RUNX1: variants seen among roughly 807,000 people sequenced by gnomAD.
RUNX1 encodes RUNX family transcription factor 1, also known as runt-related transcription factor 1.
RUNX1 carries 19 observed loss-of-function variants against 42.8 expected under a neutral mutation model. The ratio of observed to expected loss-of-function variants is 0.44; its 90% confidence interval spans 0.31 to 0.65. The LOEUF is 0.65. Among genes scored for constraint, RUNX1 ranks in the 30% least tolerant of loss-of-function variants. The probability of loss-of-function intolerance (pLI) is 0.07; values close to 1 mark genes in which losing one functional copy is unlikely to be tolerated. For synonymous variants in RUNX1, 271 were observed against 289.4 expected (o/e 0.94, Z 0.64); for missense variants, 528 against 672.0 (o/e 0.79, Z 2.37).
chr21:34,975,579 C>A (rs1053118798), intron 2 of RUNX1, among the ~76,000 whole-genome samples: 11 of 152,108 alleles, frequency 7.2e-5, no homozygotes, highest in Admixed American at 3.9e-4. Flanking sequence ...GAAACCAATA[C>A]CCCCATGGAT....
intron 2 of RUNX1, among the ~76,000 whole-genome samples, chr21:35,014,999 A>G (rs2059149898): frequency 6.6e-6 from 1 of 152,250 alleles, no homozygotes; most frequent in Admixed American, 6.5e-5. Context: ...GAACTGAGGA[A>G]ACAAGGAAGG....
chr21:34,889,894 CACCCCG>C, intron 3 of RUNX1: 3 of 1,035,034 alleles, frequency 2.9e-6, no homozygotes, highest in Non-Finnish European at 3.5e-6. Flanking sequence ...GCCTCTCATC[CACCCCG>C]GGGCTGCAAC....
intron 2 of RUNX1, among the ~76,000 whole-genome samples, chr21:34,897,746 G>A (rs908152954): frequency 6.6e-6 from 1 of 152,082 alleles, no homozygotes; most frequent in Admixed American, 6.5e-5. Flanking sequence ...AGTTAGTAGC[G>A]TTGGAAGCAG....
Position 35,012,326 on chromosome 21 carries a change from A to G in RUNX1, c.58+36516T>C, listed in dbSNP as rs1445133051. On this transcript the variant is annotated intron_variant, in intron 2 of 8. Transcript: ENST00000675419. Reference sequence around the variant, plus strand: ...TGACCTCCTTTTCTAGGATTATGAGAGAAAAACAAGTAGAATATTAATAAA... The same window carrying G: ...TGACCTCCTTTTCTAGGATTATGAGGGAAAAACAAGTAGAATATTAATAAA... Among the ~76,000 whole-genome samples the G allele has an allele frequency of 2.6e-5, 4 of 152,252 alleles. No homozygotes were observed. The East Asian group carries it at 7.7e-4, about 29-fold the overall frequency.
intron 2 of RUNX1, among the ~76,000 whole-genome samples, chr21:34,903,314 A>G (rs2058192121): frequency 6.6e-6 from 1 of 152,206 alleles, no homozygotes; most frequent in South Asian, 2.1e-4. Flanking sequence ...ATAGTTTAAA[A>G]ATAATATGGA....
intron 2 of RUNX1, among the ~76,000 whole-genome samples, chr21:34,956,157 TA>T (rs1208384423): frequency 6.6e-6 from 1 of 152,154 alleles, no homozygotes; most frequent in Non-Finnish European, 1.5e-5. Flanking sequence ...CCTTAAACCC[TA>T]AAATGAGCTG....
chr21:34,970,659 A>G (rs1175519735), intron 2 of RUNX1, among the ~76,000 whole-genome samples: 3 of 152,160 alleles, frequency 2.0e-5, no homozygotes, highest in Non-Finnish European at 4.4e-5. Context: ...TAATGTGTGC[A>G]TATTATTCTT....
At chr21:35,005,520 A>G (rs2059077783) in intron 2 of RUNX1, among the ~76,000 whole-genome samples, 1 of 152,158 alleles carries the variant, frequency 6.6e-6, no homozygotes, top group South Asian at 2.1e-4. Context: ...CCTAGGAACT[A>G]TCAGTTTTCC....
At position 34,980,066 on chromosome 21, in the gene RUNX1, A is replaced by G. The variant is rs571448481; in HGVS notation, c.58+68776T>C. Among the ~76,000 whole-genome samples the G allele has an allele frequency of 2.6e-5, 4 of 152,354 alleles. No individual in the cohort carries two copies. The East Asian group carries it at 5.8e-4, about 22-fold the overall frequency. Reference sequence around the variant, plus strand: ...GGAAGGATTAAATGAGTCAATATACATAAAGCGCTTATGTATAAGTACCTG... The same window carrying G: ...GGAAGGATTAAATGAGTCAATATACGTAAAGCGCTTATGTATAAGTACCTG... On this transcript the variant is annotated intron_variant, in intron 2 of 8. Coordinates refer to ENST00000675419, the MANE Select transcript of RUNX1 (RefSeq NM_001754.5).
intron 2 of RUNX1, among the ~76,000 whole-genome samples, chr21:35,022,032 A>C (rs1043710625): frequency 5.9e-5 from 9 of 152,256 alleles, no homozygotes; most frequent in Non-Finnish European, 1.2e-4. Context: ...AATGTGAAAT[A>C]CATGTGTTTA....
At chr21:35,008,095 T>C (rs2059098996) in intron 2 of RUNX1, among the ~76,000 whole-genome samples, 1 of 152,354 alleles carries the variant, frequency 6.6e-6, no homozygotes, top group Non-Finnish European at 1.5e-5. Context: ...TTGGCACCAA[T>C]GTCCTCTTCA....
intron 7 of RUNX1, among the ~76,000 whole-genome samples, chr21:34,811,405 A>C (rs2056756748): frequency 6.6e-6 from 1 of 152,052 alleles, no homozygotes; most frequent in Admixed American, 6.5e-5. Context: ...CCTTTCCCAC[A>C]CATCAGGCCA....
intron 2 of RUNX1, among the ~76,000 whole-genome samples, chr21:34,938,871 T>G (rs528241908): frequency 6.6e-6 from 1 of 152,320 alleles, no homozygotes; most frequent in African/African-American, 2.4e-5. Flanking sequence ...GAGAATAATC[T>G]GATGGTAAAA....
rs186388705 is a variant in RUNX1, at chr21:34,855,531, C to T, written c.613+3943G>A. 2.5e-3 allele frequency among the ~76,000 whole-genome samples: 375 copies of T among 152,188 alleles called. 2 individuals carry two copies. Among genetic ancestry groups the T allele is most frequent in the Non-Finnish European group, 4.5e-3 (306 of 68,006 alleles). ...ACCAGGCTGGCCAACATGGTGAAAC[C>T]CCGTCTCTACTAAAAATACAAAAAT... On this transcript the variant is annotated intron_variant, in intron 6 of 8. Coordinates refer to ENST00000675419, the MANE Select transcript of RUNX1 (RefSeq NM_001754.5).
intron 2 of RUNX1, among the ~76,000 whole-genome samples, chr21:34,999,600 G>C (rs1201240163): frequency 3.3e-5 from 5 of 152,190 alleles, no homozygotes; most frequent in East Asian, 1.9e-4. Context: ...CCCTGGAAGA[G>C]AGTATTGAAA....
At chr21:34,888,521 A>C (rs2058030997) in intron 3 of RUNX1, 3 of 1,065,406 alleles carry the variant, frequency 2.8e-6, no homozygotes, top group Non-Finnish European at 3.4e-6. Context: ...AAAACAACAA[A>C]AAAAGGAAGG....
intron 7 of RUNX1, among the ~76,000 whole-genome samples, chr21:34,832,243 T>C (rs757536704): frequency 6.6e-5 from 10 of 152,214 alleles, no homozygotes; most frequent in Non-Finnish European, 1.2e-4. Flanking sequence ...TCCACAATAA[T>C]GCTTTTGCCC....
At chr21:34,933,278 C>T (rs535622142) in intron 2 of RUNX1, among the ~76,000 whole-genome samples, 18 of 152,270 alleles carry the variant, frequency 1.2e-4, no homozygotes, top group African/African-American at 4.3e-4. Flanking sequence ...CTGTGAGATG[C>T]GTCCTTGTTA....
intron 2 of RUNX1, among the ~76,000 whole-genome samples, chr21:35,019,753 C>T (rs1277428398): frequency 6.6e-6 from 1 of 152,098 alleles, no homozygotes; most frequent in Non-Finnish European, 1.5e-5. Context: ...TAATCATAAA[C>T]CCAAACCTGC....
Sources: gnomAD v4.1 joint callset for allele counts (sites outside exome capture counted in the v4.1 genomes callset) on GRCh38, gnomAD v4.1.1 for gene constraint, MANE v1.5 for transcripts, NCBI Gene and HGNC (gene_info 2026-07-23, HGNC 2026-07-21) for gene names.